The following LRP4 variants were observed in gnomAD, a reference collection of about 807,000 sequenced individuals.
LRP4 encodes the protein LDL receptor related protein 4.
Under a neutral mutation model 220.3 loss-of-function variants are expected in LRP4, and 95 were observed. The observed-to-expected ratio is 0.43, with a 90% CI of 0.37 to 0.51. The LOEUF (loss-of-function observed/expected upper bound fraction) is 0.51, where lower values mean the gene tolerates loss of function less well. Ranked by LOEUF, LRP4 falls within the 20% of genes least tolerant of loss-of-function variation. The probability of loss-of-function intolerance (pLI) is 0.00; values close to 1 mark genes in which losing one functional copy is unlikely to be tolerated. For synonymous variants in LRP4, 903 were observed against 954.6 expected, an observed-to-expected ratio of 0.95 and a Z score of 1.00; for missense variants, 1,925 against 2,567.0, an observed-to-expected ratio of 0.75 and a Z score of 5.40.
chr11:46,896,209 C>A lies in LRP4; in HGVS notation c.1048+1G>T, dbSNP rs749257744. ...CAGGTCCGCCCACTGGGGACACTCA[C>A]GGCAATTCTGCTGTGGGCTTTCGTC... On this transcript the variant is annotated splice_donor_variant, in intron 9 of 37. Transcript: ENST00000378623. LOFTEE classifies it high-confidence loss of function. 1 of 1,613,840 alleles carries A rather than the reference C, an allele frequency of 6.2e-7. No homozygotes were observed. Among genetic ancestry groups the A allele is most frequent in the Non-Finnish European group, 8.5e-7 (1 of 1,180,016 alleles).
chr11:46,866,536 T>G (rs1371874673), intron 34 of LRP4, among the ~76,000 whole-genome samples: 1 of 152,220 alleles, frequency 6.6e-6, no homozygotes, highest in African/African-American at 2.4e-5. Flanking sequence ...TCTGCCCACC[T>G]TGGCCTCCCA....
intron 33 of LRP4, 67 bp from the exon 34 acceptor site, chr11:46,868,181 G>C (rs936626576): frequency 1.4e-5 from 22 of 1,600,050 alleles, no homozygotes; most frequent in Non-Finnish European, 1.9e-5. Context: ...CCCAAGAGTA[G>C]CAGCTGGAGA....
intron 19 of LRP4, among the ~76,000 whole-genome samples, chr11:46,882,866 AAACAAC>A (rs34769564): frequency 6.6e-6 from 1 of 151,592 alleles, no homozygotes; most frequent in East Asian, 1.9e-4. Context: ...CAAAACAAAC[AAACAAC>A]AACAACAAAA....
At chr11:46,861,761 TAAAA>T (rs900088208) in intron 37 of LRP4, among the ~76,000 whole-genome samples, 40 of 151,374 alleles carry the variant, frequency 2.6e-4, no homozygotes, top group African/African-American at 8.0e-4. Context: ...ACAAAGAAGT[TAAAA>T]AAAAACAAAC....
chr11:46,879,929 AC>A (rs1941111478), intron 20 of LRP4, among the ~76,000 whole-genome samples: 2 of 152,176 alleles, frequency 1.3e-5, no homozygotes, highest in South Asian at 4.1e-4. Flanking sequence ...ACATGGCGAA[AC>A]CCTGTCTCTA....
chr11:46,867,273 A>T (rs1484497847), intron 34 of LRP4, among the ~76,000 whole-genome samples: 1 of 152,010 alleles, frequency 6.6e-6, no homozygotes, highest in Non-Finnish European at 1.5e-5. Flanking sequence ...AGGCCATCAT[A>T]TCTCTGGGGA....
Position 46,859,048 on chromosome 11 carries a change from G to A in LRP4, c.5653C>T (p.Arg1885Ter), listed in dbSNP as rs147138337. The A allele has an allele frequency of 2.7e-5, 43 of 1,614,000 alleles. No individual in the cohort carries two copies. The highest frequency in any genetic ancestry group is 1.6e-4 in the Middle Eastern group (1 of 6,080). ...CAGCCCGTGTCTGGCAGAGAGCCTC[G>A]TCTTTCTGGAGTGGCTGCAGTATGG... ...SVHTAATPER[R>*]GSLPDTGWKH... Residue 1885 changes from arginine (R) to a stop codon, truncating the protein, a stop_gained, in exon 38 of 38, where the codon CGA becomes TGA. Transcript: ENST00000378623. LOFTEE classifies it high-confidence loss of function.
intron 1 of LRP4, among the ~76,000 whole-genome samples, chr11:46,917,081 G>GAA (rs1470796705): frequency 1.1e-4 from 16 of 152,224 alleles, no homozygotes; most frequent in African/African-American, 3.9e-4. Flanking sequence ...TAAGAGACAT[G>GAA]AAAACTCTGT....
chr11:46,864,557 T>C, intron 35 of LRP4, 22 bp from the exon 36 acceptor site: 4 of 1,516,412 alleles, frequency 2.6e-6, no homozygotes, highest in Non-Finnish European at 3.7e-6. Context: ...AGAGAAACAC[T>C]AGGCAGGGGC....
chr11:46,889,516 C>G lies in LRP4; in HGVS notation c.2110G>C (p.Asp704His). The G allele has an allele frequency of 6.2e-7, 1 of 1,613,958 alleles. No homozygotes were observed. Among genetic ancestry groups the G allele is most frequent in the Non-Finnish European group, 8.5e-7 (1 of 1,180,026 alleles). Residue 704 changes from aspartate (D) to histidine (H), a missense_variant, in exon 16 of 38, where the codon GAC becomes CAC. Physicochemically the swap from Asp to His is moderately conservative, Grantham distance 81. Coordinates refer to ENST00000378623, the MANE Select transcript of LRP4 (RefSeq NM_002334.4). ...RQPAGKNRCG[D>H]NNGGCTHLCL... ...AGGTGCGTGCAGCCTCCGTTGTTGT[C>G]CCCACAGCGGTTTTTCCCTGCTCAA...
intron 2 of LRP4, among the ~76,000 whole-genome samples, chr11:46,901,571 A>C (rs1390106723): frequency 2.0e-5 from 3 of 152,164 alleles, no homozygotes; most frequent in African/African-American, 7.2e-5. Flanking sequence ...CCATTAGACT[A>C]ATTAGCCACC....
Position 46,902,815 on chromosome 11 carries a change from T to C in LRP4, c.167A>G (p.Asp56Gly). ...ATCCTCATCGCTGTGGTCCCCGCAG[T>C]CATTGTCTCCATCACACTGCCACTG... The part of the protein sequence containing the change: ...PAQWQCDGDN[D>G]CGDHSDEDGC... Residue 56 changes from aspartate (D) to glycine (G), a missense_variant, in exon 2 of 38, where the codon GAC (aspartate) becomes GGC (glycine). This residue lies in a region of LRP4 where 412 missense variants were observed against 505.4 expected (regional missense o/e 0.82). Transcript: ENST00000378623. 1 of 1,614,106 alleles carries C rather than the reference T, an allele frequency of 6.2e-7. No homozygotes were observed. The highest frequency in any genetic ancestry group is 8.5e-7 in the Non-Finnish European group (1 of 1,180,026).
At position 46,900,277 on chromosome 11, in the gene LRP4, C is replaced by T. The variant is rs1350368496; in HGVS notation, c.301G>A (p.Asp101Asn). 6.2e-7 allele frequency: 1 copy of T among 1,613,704 alleles called. No homozygotes were observed. Among genetic ancestry groups the T allele is most frequent in the East Asian group, 2.2e-5 (1 of 44,888 alleles). ...DGDNDCEDDS[D>N]EQDCPPRECE... ...CAACACTCACGACAGTCCTGCTCATCCGAGTCATCCTCACAGTCGTTGTCC... is the reference window on the plus strand; with the variant it reads ...CAACACTCACGACAGTCCTGCTCATTCGAGTCATCCTCACAGTCGTTGTCC... The change falls in exon 3 of 38, where the codon GAT becomes AAT. Residue 101 changes from aspartate to asparagine, a missense_variant. Asp to Asn is a conservative substitution (Grantham distance 23). This residue lies in a region of LRP4 where 412 missense variants were observed against 505.4 expected (regional missense o/e 0.82). Coordinates refer to ENST00000378623, the MANE Select transcript of LRP4 (RefSeq NM_002334.4).
chr11:46,908,210 G>A (rs866821050), intron 1 of LRP4, among the ~76,000 whole-genome samples: 7 of 152,224 alleles, frequency 4.6e-5, no homozygotes, highest in African/African-American at 1.2e-4. Flanking sequence ...GATTACAGGC[G>A]TGAGCCACTG....
At chr11:46,900,790 C>CT (rs35979071) in intron 2 of LRP4, among the ~76,000 whole-genome samples, 7,415 of 132,696 alleles carry the variant, frequency 0.056, 381 homozygotes, top group African/African-American at 0.15. Flanking sequence ...GGCGCCTGGC[C>CT]TTTTTTTTTT....
Position 46,886,161 on chromosome 11 carries a change from A to G in LRP4, c.2436T>C (p.Asp812=), listed in dbSNP as rs201159730. The G allele has an allele frequency of 2.0e-5, 32 of 1,614,062 alleles. No individual in the cohort carries two copies. The Admixed American group carries it at 4.5e-4, about 23-fold the overall frequency. ...WDGTGQEVVV[D]TSLESPAGLA... ...GGCCAGCTGGGCTCTCCAAACTGGT[A>G]TCCACTACCACCTGGGCAGGAAGCA... is the stretch of plus-strand genomic sequence containing the variant. The change falls in exon 18 of 38, where the codon GAT becomes GAC. Residue 812 remains aspartate (D), a synonymous_variant. Transcript: ENST00000378623.
Position 46,858,964 on chromosome 11 carries a change from G to C in LRP4, c.*19C>G, listed in dbSNP as rs1473698527. ...ATAAAGGAGAAGGAACAGGCAGGCA[G>C]GGAAGAGAATGTGGGCATTTAGACC... On this transcript the variant is annotated 3_prime_UTR_variant, in exon 38 of 38. Transcript: ENST00000378623. 6.2e-7 allele frequency: 1 copy of C among 1,610,446 alleles called. No homozygotes were observed.
intron 37 of LRP4, among the ~76,000 whole-genome samples, chr11:46,860,770 G>C (rs1362495229): frequency 2.0e-5 from 3 of 152,114 alleles, no homozygotes; most frequent in African/African-American, 2.4e-5. Context: ...ACAGATGTCT[G>C]TTCACCCAGC....
Position 46,918,207 on chromosome 11 carries a change from G to A in LRP4, c.52+121C>T, listed in dbSNP as rs1025365170. The A allele has an allele frequency of 2.3e-5, 26 of 1,119,282 alleles. No homozygotes were observed. Among genetic ancestry groups the A allele is most frequent in the Non-Finnish European group, 3.1e-5 (25 of 796,186 alleles). 69.3% of individuals were successfully genotyped at this position (1,119,282 alleles called of 1,614,324 possible). A position where few individuals can be genotyped will look rare whatever the true frequency, so the allele number is the denominator to read the frequency against. Reference sequence around the variant, plus strand: ...TCCTCTCCCCTGCACGCAGCCCCAGGGCCACGGCTAGGAGCGAGGGCGAGG... The same window carrying A: ...TCCTCTCCCCTGCACGCAGCCCCAGAGCCACGGCTAGGAGCGAGGGCGAGG... On this transcript the variant is annotated intron_variant, in intron 1 of 37. Coordinates refer to ENST00000378623, the MANE Select transcript of LRP4 (RefSeq NM_002334.4). This position sits in a 1 kb window ranked among gnomAD's most constrained non-coding sequence, Gnocchi z 6.0.
Sources: allele counts gnomAD v4.1 joint callset (sites outside exome capture counted in the v4.1 genomes callset), GRCh38; gene constraint gnomAD v4.1.1; regional missense constraint gnomAD v4.1.1; non-coding constraint Gnocchi (gnomAD v3.1); transcripts MANE v1.5; gene names NCBI Gene and HGNC (gene_info 2026-07-23, HGNC 2026-07-21).